MAPK8: variants seen among roughly 807,000 people sequenced by gnomAD.
MAPK8 encodes the protein mitogen-activated protein kinase 8.
Under a neutral mutation model 52.9 loss-of-function variants are expected in MAPK8, and 13 were observed. The observed-to-expected ratio is 0.25, with a 90% CI of 0.16 to 0.39. MAPK8 has a LOEUF of 0.39. Ranked by LOEUF, MAPK8 falls within the 10% of genes least tolerant of loss-of-function variation. The pLI is 1.00. For missense variants in MAPK8, 300 were observed against 519.2 expected (o/e 0.58, Z 4.10); for synonymous variants, 191 against 169.8 (o/e 1.12, Z -0.97).
Position 48,350,324 on chromosome 10 carries a change from AT to A in MAPK8, c.-50+43506del, listed in dbSNP as rs552153434. On this transcript the variant is annotated intron_variant, in intron 1 of 11. Coordinates refer to ENST00000374189, the MANE Select transcript of MAPK8 (RefSeq NM_001323329.2). ...GGCAGAGACACAACAAAAAAAGAAA[AT>A]TTCAGGCCAATATCCCTGATGAACA... is the stretch of plus-strand genomic sequence containing the variant. Among the ~76,000 whole-genome samples the A allele has an allele frequency of 9.1e-4, 139 of 152,274 alleles. 2 individuals are homozygous for A. In the East Asian group the frequency reaches 0.024, roughly 26 times the overall value.
At chr10:48,320,211 C>CTTTT (rs71026206) in intron 1 of MAPK8, among the ~76,000 whole-genome samples, 2,165 of 35,270 alleles carry the variant, frequency 0.061, 663 homozygotes, top group African/African-American at 0.081. Flanking sequence ...ACTGCTCGGC[C>CTTTT]TTTTTTTTTT....
At chr10:48,310,458 A>G (rs1206135397) in intron 1 of MAPK8, among the ~76,000 whole-genome samples, 1 of 152,208 alleles carries the variant, frequency 6.6e-6, no homozygotes. Context: ...GGAAGGCTTC[A>G]CCATAAGCTA....
chr10:48,385,822 C>T (rs2041280667), intron 1 of MAPK8, among the ~76,000 whole-genome samples: 2 of 152,116 alleles, frequency 1.3e-5, no homozygotes, highest in South Asian at 4.1e-4. Flanking sequence ...TTTGCCCCAT[C>T]TTGCTGAGCT....
intron 1 of MAPK8, among the ~76,000 whole-genome samples, chr10:48,381,358 A>T (rs2040992402): frequency 6.6e-6 from 1 of 152,130 alleles, no homozygotes; most frequent in African/African-American, 2.4e-5. Flanking sequence ...CAAAACTCAC[A>T]CCCTCCTCTC....
chr10:48,353,026 A>G (rs1337178600), intron 1 of MAPK8, among the ~76,000 whole-genome samples: 1 of 152,244 alleles, frequency 6.6e-6, no homozygotes, highest in East Asian at 1.9e-4. Context: ...AAATACCTAG[A>G]TATCAGTCTA....
intron 1 of MAPK8, among the ~76,000 whole-genome samples, chr10:48,317,799 C>G (rs1475647297): frequency 6.6e-6 from 1 of 152,094 alleles, no homozygotes; most frequent in African/African-American, 2.4e-5. Flanking sequence ...TTTCTGTTTG[C>G]TCAATGAAGC....
chr10:48,421,155 A>T (rs943755262), intron 6 of MAPK8, among the ~76,000 whole-genome samples: 8 of 152,232 alleles, frequency 5.3e-5, no homozygotes, highest in African/African-American at 1.7e-4. Flanking sequence ...CTGGAATAGC[A>T]GTTCATTTTG....
chr10:48,306,731 G>A lies in MAPK8; in HGVS notation c.-140G>A, dbSNP rs1841353540. 1 of 151,488 alleles carries A rather than the reference G, an allele frequency of 6.6e-6. No homozygotes were observed. Among genetic ancestry groups the A allele is most frequent in the Non-Finnish European group, 1.5e-5 (1 of 67,786 alleles). The allele number at this position is 151,488 out of a possible 1,614,324, so 9.4% of individuals were successfully genotyped here. A position where few individuals can be genotyped will look rare whatever the true frequency, so the allele number is the denominator to read the frequency against. ...GACGCGGCTTGGATTGCGGAGCCGCGAGCAGCGCTGGGTAACGGCCGCGGC... is the reference window on the plus strand; with the variant it reads ...GACGCGGCTTGGATTGCGGAGCCGCAAGCAGCGCTGGGTAACGGCCGCGGC... On this transcript the variant is annotated 5_prime_UTR_variant, in exon 1 of 12. Coordinates refer to ENST00000374189, the MANE Select transcript of MAPK8 (RefSeq NM_001323329.2).
intron 1 of MAPK8, among the ~76,000 whole-genome samples, chr10:48,327,341 C>T (rs1205874242): frequency 6.6e-6 from 1 of 152,070 alleles, no homozygotes; most frequent in East Asian, 1.9e-4. Flanking sequence ...ATTGATATGA[C>T]CATTTGATTT....
At chr10:48,348,057 T>C (rs1845956761) in intron 1 of MAPK8, among the ~76,000 whole-genome samples, 1 of 152,240 alleles carries the variant, frequency 6.6e-6, no homozygotes, top group African/African-American at 2.4e-5. Context: ...CTCCAGCATC[T>C]GTTGTTTCCT....
chr10:48,426,872 A>G, intron 9 of MAPK8: 1 of 511,358 alleles, frequency 2.0e-6, no homozygotes, highest in Non-Finnish European at 3.5e-6. Flanking sequence ...AGCTAGAAGA[A>G]AAGAAAAAAG....
At chr10:48,394,660 GCTTTCTCT>G (rs906087117) in intron 1 of MAPK8, among the ~76,000 whole-genome samples, 6 of 151,848 alleles carry the variant, frequency 4.0e-5, no homozygotes, top group Non-Finnish European at 8.8e-5. Flanking sequence ...AAGACTGAAT[GCTTTCTCT>G]CTTAAGATCA....
At chr10:48,348,423 T>G (rs1845994439) in intron 1 of MAPK8, among the ~76,000 whole-genome samples, 1 of 152,228 alleles carries the variant, frequency 6.6e-6, no homozygotes, top group Non-Finnish European at 1.5e-5. Flanking sequence ...TGGTTTTTGT[T>G]GCCATTGCTT....
At chr10:48,382,775 A>G (rs1269270043) in intron 1 of MAPK8, among the ~76,000 whole-genome samples, 2 of 147,192 alleles carry the variant, frequency 1.4e-5, no homozygotes, top group Non-Finnish European at 3.0e-5. Flanking sequence ...TTTATATATT[A>G]TATATCTTTA....
At chr10:48,323,122 G>T (rs181656143) in intron 1 of MAPK8, among the ~76,000 whole-genome samples, 2 of 152,090 alleles carry the variant, frequency 1.3e-5, no homozygotes, top group Admixed American at 1.3e-4. Context: ...TTAGAAAAGG[G>T]GGAAATAGCC....
chr10:48,413,831 A>G (rs1385089217), intron 5 of MAPK8, among the ~76,000 whole-genome samples: 1 of 99,622 alleles, frequency 1.0e-5, no homozygotes, highest in African/African-American at 3.9e-5. Context: ...ATATATATAT[A>G]TATATATATA....
chr10:48,317,916 A>G (rs1404311828), intron 1 of MAPK8, among the ~76,000 whole-genome samples: 2 of 152,128 alleles, frequency 1.3e-5, no homozygotes, highest in East Asian at 1.9e-4. Context: ...ATTTAAAGTG[A>G]TATCAGTCAG....
At chr10:48,392,656 C>T (rs1261097328) in intron 1 of MAPK8, among the ~76,000 whole-genome samples, 5 of 151,924 alleles carry the variant, frequency 3.3e-5, no homozygotes, top group Admixed American at 6.6e-5. Flanking sequence ...CTCATTCCCC[C>T]ATTCTCACTC....
intron 1 of MAPK8, among the ~76,000 whole-genome samples, chr10:48,316,550 T>C (rs1842523296): frequency 6.6e-6 from 1 of 152,168 alleles, no homozygotes; most frequent in Admixed American, 6.5e-5. Context: ...TCAGAGAGCA[T>C]GCAGTCAAAG....
Sources: allele counts gnomAD v4.1 joint callset (sites outside exome capture counted in the v4.1 genomes callset), GRCh38; gene constraint gnomAD v4.1.1; transcripts MANE v1.5; gene names NCBI Gene and HGNC (gene_info 2026-07-23, HGNC 2026-07-21).